Variants in KALRN observed in about 807,000 individuals in gnomAD.
The protein encoded by KALRN is kalirin.
A neutral mutation model predicts 353.7 loss-of-function variants in KALRN; 70 were observed. That is an observed-to-expected ratio of 0.20 (90% CI 0.16 to 0.24). The LOEUF (loss-of-function observed/expected upper bound fraction) is 0.24. Ranked by LOEUF, KALRN falls within the 10% of genes least tolerant of loss-of-function variation. KALRN has a pLI of 1.00. For synonymous variants in KALRN, 1,391 were observed against 1,434.8 expected, an observed-to-expected ratio of 0.97 and a Z score of 0.69; for missense variants, 2,791 against 3,756.7, an observed-to-expected ratio of 0.74 and a Z score of 6.72.
intron 2 of KALRN, among the ~76,000 whole-genome samples, chr3:124,231,191 A>G (rs1039828203): frequency 4.6e-5 from 7 of 152,214 alleles, no homozygotes; most frequent in African/African-American, 1.7e-4. Flanking sequence ...TCTGTGAGAC[A>G]GGATTTGGGG....
intron 1 of KALRN, among the ~76,000 whole-genome samples, chr3:124,123,697 T>C (rs1315841674): frequency 6.6e-6 from 1 of 152,246 alleles, no homozygotes; most frequent in Admixed American, 6.5e-5. Flanking sequence ...AGTCACTGTC[T>C]GGCTTGAAAG....
chr3:124,088,508 G>A (rs2060941351), intron 1 of KALRN, among the ~76,000 whole-genome samples: 1 of 152,208 alleles, frequency 6.6e-6, no homozygotes, highest in Non-Finnish European at 1.5e-5. Flanking sequence ...CATGAATTGA[G>A]AATTTCAATG....
intron 5 of KALRN, among the ~76,000 whole-genome samples, chr3:124,269,744 C>T (rs1009084198): frequency 6.6e-6 from 1 of 152,214 alleles, no homozygotes. Context: ...CACTTTCACA[C>T]AGTCTTATTT....
chr3:124,298,791 A>G lies in KALRN; in HGVS notation c.970A>G (p.Met324Val). 14 of 1,614,116 alleles carry G rather than the reference A, an allele frequency of 8.7e-6. No individual in the cohort carries two copies. The highest frequency in any genetic ancestry group is 1.2e-5 in the Non-Finnish European group (14 of 1,179,988). The change falls in exon 6 of 60, where the codon ATG (methionine) becomes GTG (valine). Residue 324 changes from methionine (M) to valine (V), a missense_variant and splice_region_variant. Met to Val is a conservative substitution (Grantham distance 21). Coordinates refer to ENST00000682506, the MANE Select transcript of KALRN (RefSeq NM_001388419.1). ...LRLFEQDAEK[M>V]FDWISHNKEL... is the part of the protein sequence containing the mutation. ...TGCTGTGCCTTCTTGTCCTCTCTAG[A>G]TGTTTGACTGGATAAGCCACAACAA...
chr3:124,439,200 T>TCACACACACACA (rs376221553), intron 18 of KALRN, among the ~76,000 whole-genome samples, 163 bp downstream of exon 18: 19 of 98,960 alleles, frequency 1.9e-4, no homozygotes, highest in African/African-American at 5.3e-4. Flanking sequence ...TCTCTCTCTC[T>TCACACACACACA]CACACACACA....
At chr3:124,054,885 G>A (rs1245073818) in intron 1 of KALRN, among the ~76,000 whole-genome samples, 1 of 152,190 alleles carries the variant, frequency 6.6e-6, no homozygotes. Context: ...ATTATCAGTA[G>A]TTCCAACCAA....
intron 22 of KALRN, 59 bp downstream of exon 22, chr3:124,455,418 G>A (rs2059208719): frequency 9.5e-6 from 14 of 1,470,284 alleles, no homozygotes; most frequent in Non-Finnish European, 1.2e-5. Flanking sequence ...GAGCACCACT[G>A]CCCTCATCGC....
intron 21 of KALRN, among the ~76,000 whole-genome samples, chr3:124,450,046 C>G (rs1415688612): frequency 6.6e-6 from 1 of 152,170 alleles, no homozygotes; most frequent in Non-Finnish European, 1.5e-5. Context: ...TTTCAGTTCC[C>G]TTATGTGCAT....
intron 19 of KALRN, among the ~76,000 whole-genome samples, chr3:124,445,382 C>T (rs150637885): frequency 1.4e-3 from 217 of 152,208 alleles, no homozygotes; most frequent in African/African-American, 4.9e-3. Flanking sequence ...CTATTTAAAA[C>T]GCTTAAGACA....
At chr3:124,565,741 C>A (rs1313954187) in intron 34 of KALRN, among the ~76,000 whole-genome samples, 2 of 152,202 alleles carry the variant, frequency 1.3e-5, no homozygotes, top group Admixed American at 1.3e-4. Context: ...AAAATGTGCA[C>A]TCCCTCCCTG....
intron 1 of KALRN, among the ~76,000 whole-genome samples, chr3:124,227,117 C>A (rs1191079639): frequency 6.6e-6 from 1 of 152,158 alleles, no homozygotes; most frequent in Non-Finnish European, 1.5e-5. Flanking sequence ...TCACACTGGG[C>A]TGGATTGTCC....
intron 10 of KALRN, among the ~76,000 whole-genome samples, chr3:124,364,416 C>A (rs2084405805): frequency 6.6e-6 from 1 of 152,198 alleles, no homozygotes; most frequent in African/African-American, 2.4e-5. Flanking sequence ...CCCTGAAGAG[C>A]TTTATGTGGG....
chr3:124,637,111 T>C, intron 36 of KALRN, 97 bp from the exon 37 acceptor site: 1 of 1,023,256 alleles, frequency 9.8e-7, no homozygotes, highest in South Asian at 1.3e-5. Flanking sequence ...TTGCTTCCCT[T>C]CCCTGGCTTG....
intron 1 of KALRN, among the ~76,000 whole-genome samples, chr3:124,087,621 C>T (rs10212584): frequency 6.6e-6 from 1 of 151,884 alleles, no homozygotes; most frequent in Non-Finnish European, 1.5e-5. Flanking sequence ...TTATCATTCT[C>T]ATAATTGTGG....
At chr3:124,478,490 A>T (rs186670898) in intron 27 of KALRN, among the ~76,000 whole-genome samples, 46 of 152,330 alleles carry the variant, frequency 3.0e-4, no homozygotes, top group Middle Eastern at 3.4e-3. Flanking sequence ...TGACACTTGA[A>T]TGGAAGGAAG....
intron 18 of KALRN, among the ~76,000 whole-genome samples, chr3:124,439,384 A>G (rs1295752676): frequency 6.6e-6 from 1 of 152,184 alleles, no homozygotes; most frequent in Non-Finnish European, 1.5e-5. Context: ...CACTTTTTGT[A>G]TAGTTAGGCG....
chr3:124,073,178 G>A (rs1183570544), intron 1 of KALRN, among the ~76,000 whole-genome samples: 1 of 152,218 alleles, frequency 6.6e-6, no homozygotes, highest in Non-Finnish European at 1.5e-5. Flanking sequence ...AGCCTTGTGA[G>A]CTTGGTTAAT....
At chr3:124,666,665 A>G (rs1306672605) in intron 46 of KALRN, 31 bp downstream of exon 46, 1 of 1,587,820 alleles carries the variant, frequency 6.3e-7, no homozygotes, top group Non-Finnish European at 8.6e-7. Flanking sequence ...GAGAAGAGGC[A>G]AGGAAGAGCC....
chr3:124,657,487 G>A lies in KALRN; in HGVS notation c.5902G>A (p.Asp1968Asn), dbSNP rs775981309. 2.2e-5 allele frequency: 36 copies of A among 1,614,070 alleles called. No homozygotes were observed. The highest frequency in any genetic ancestry group is 3.1e-5 in the Non-Finnish European group (36 of 1,179,950). Residue 1968 changes from aspartate to asparagine, a missense_variant, in exon 40 of 60, where the codon GAT (aspartate) becomes AAT (asparagine). By Grantham distance (23) the Asp-to-Asn change is conservative. Transcript: ENST00000682506. ...KRIEEKGVPEDMRGKDKIVFG... is the reference protein window; with the variant it reads ...KRIEEKGVPENMRGKDKIVFG... ...AATAGAAGAAAAGGGTGTCCCTGAG[G>A]ATATGCGAGGAAAGGACAAAATCGT...
Sources: allele counts gnomAD v4.1 joint callset (sites outside exome capture counted in the v4.1 genomes callset), GRCh38; gene constraint gnomAD v4.1.1; transcripts MANE v1.5; gene names NCBI Gene and HGNC (gene_info 2026-07-23, HGNC 2026-07-21).